MALRD1: variants seen among roughly 807,000 people sequenced by gnomAD.
MALRD1 encodes MAM and LDL receptor class A domain containing 1.
MALRD1 carries 247 observed loss-of-function variants against 242.1 expected under a neutral mutation model. That is an observed-to-expected ratio of 1.02 (90% CI 0.92 to 1.13). MALRD1 has a LOEUF of 1.13. Ranked by LOEUF, MALRD1 falls within the 50% of genes most tolerant of loss-of-function variation. The pLI is 0.00. For synonymous variants in MALRD1, 995 were observed against 866.6 expected, an observed-to-expected ratio of 1.15 and a Z score of -2.60; for missense variants, 2,989 against 2,533.1, an observed-to-expected ratio of 1.18 and a Z score of -3.86.
intron 26 of MALRD1, among the ~76,000 whole-genome samples, chr10:19,385,779 T>C (rs1399284724): frequency 1.3e-5 from 2 of 152,090 alleles, no homozygotes; most frequent in Non-Finnish European, 2.9e-5. Flanking sequence ...ACTTCGGCCT[T>C]AGTTCTTTTT....
At chr10:19,678,662 C>A (rs1379839241) in intron 36 of MALRD1, among the ~76,000 whole-genome samples, 1 of 152,096 alleles carries the variant, frequency 6.6e-6, no homozygotes, top group Non-Finnish European at 1.5e-5. Flanking sequence ...TCTGATTGCC[C>A]TGGCCAGAAC....
chr10:19,332,428 C>A (rs1843418119), intron 24 of MALRD1, among the ~76,000 whole-genome samples: 2 of 152,198 alleles, frequency 1.3e-5, no homozygotes, highest in South Asian at 4.2e-4. Flanking sequence ...ATAATGAACA[C>A]CATATATTAA....
At chr10:19,729,718 ATTCTTT>A (rs1835200747) in intron 38 of MALRD1, among the ~76,000 whole-genome samples, 1 of 98,976 alleles carries the variant, frequency 1.0e-5, no homozygotes, top group African/African-American at 4.1e-5. Context: ...AAGTCTATTA[ATTCTTT>A]TTTTTTTTTT....
chr10:19,665,653 A>G (rs575839659), intron 36 of MALRD1, among the ~76,000 whole-genome samples: 27 of 152,172 alleles, frequency 1.8e-4, no homozygotes, highest in South Asian at 2.1e-4. Context: ...CTGAAATTCT[A>G]CTAAAACGTG....
intron 18 of MALRD1, among the ~76,000 whole-genome samples, chr10:19,229,779 C>CTAT (rs1837969334): frequency 6.6e-6 from 1 of 152,050 alleles, no homozygotes; most frequent in South Asian, 2.1e-4. Flanking sequence ...GATGTAACCT[C>CTAT]TATATCTGCT....
At chr10:19,617,402 C>A (rs1374877290) in intron 36 of MALRD1, among the ~76,000 whole-genome samples, 1 of 151,938 alleles carries the variant, frequency 6.6e-6, no homozygotes, top group African/African-American at 2.4e-5. Context: ...GCAAATAATA[C>A]TTTACAAATA....
chr10:19,394,240 G>A (rs1403450870), intron 28 of MALRD1, among the ~76,000 whole-genome samples: 2 of 152,142 alleles, frequency 1.3e-5, no homozygotes, highest in Non-Finnish European at 2.9e-5. Flanking sequence ...TTTAGAGTTG[G>A]TGGGGTCTTA....
At chr10:19,227,154 A>ATT (rs796326723) in intron 18 of MALRD1, among the ~76,000 whole-genome samples, 1 of 147,654 alleles carries the variant, frequency 6.8e-6, no homozygotes, top group Admixed American at 6.8e-5. Flanking sequence ...GCTGATTCTA[A>ATT]TTTTTTTTTT....
chr10:19,282,275 T>C (rs1265362383), intron 20 of MALRD1, among the ~76,000 whole-genome samples: 1 of 152,206 alleles, frequency 6.6e-6, no homozygotes, highest in Admixed American at 6.5e-5. Flanking sequence ...TTTTAAATGT[T>C]TCCTTTTCAG....
At chr10:19,402,727 C>A (rs146309676) in intron 28 of MALRD1, among the ~76,000 whole-genome samples, 1 of 152,234 alleles carries the variant, frequency 6.6e-6, no homozygotes, top group East Asian at 1.9e-4. Context: ...CATGTGTCTT[C>A]CATGCTCTTA....
intron 36 of MALRD1, among the ~76,000 whole-genome samples, chr10:19,622,168 A>T (rs185272163): frequency 0.042 from 6,079 of 144,608 alleles, 372 homozygotes; most frequent in African/African-American, 0.14. Flanking sequence ...AGTCACCAAT[A>T]AGAAAAAAAA....
chr10:19,702,940 A>G (rs1035497176), intron 38 of MALRD1, among the ~76,000 whole-genome samples: 2 of 152,204 alleles, frequency 1.3e-5, no homozygotes, highest in African/African-American at 4.8e-5. Context: ...AAAACATGGA[A>G]TGGAGCATGG....
At chr10:19,135,122 A>G (rs1341746376) in intron 9 of MALRD1, among the ~76,000 whole-genome samples, 1 of 152,154 alleles carries the variant, frequency 6.6e-6, no homozygotes, top group Admixed American at 6.6e-5. Flanking sequence ...TCTGACCTTA[A>G]GTAATTATTA....
rs918148181 is a variant in MALRD1 at position 19,374,742 on chromosome 10, A to T, written c.4442-12786A>T. Among the ~76,000 whole-genome samples, 3 of 152,310 alleles carry T rather than the reference A, an allele frequency of 2.0e-5. No individual in the cohort carries two copies. In the South Asian group the frequency reaches 6.2e-4, roughly 32 times the overall value. ...ATGCACCTTCCAGGTAGCAAGGTGG[A>T]TGAAGAAATAAAGAAACTGGCCAAC... On this transcript the variant is annotated intron_variant, in intron 26 of 39. Coordinates refer to ENST00000454679, the MANE Select transcript of MALRD1 (RefSeq NM_001142308.3).
At chr10:19,407,078 G>T (rs4274131) in intron 28 of MALRD1, among the ~76,000 whole-genome samples, 132,078 of 152,074 alleles carry the variant, frequency 0.87, 57,713 homozygotes, top group African/African-American at 0.92. Context: ...TACTCCCCAC[G>T]CCCCAATTCT....
intron 4 of MALRD1, among the ~76,000 whole-genome samples, chr10:19,100,917 C>A (rs573313396): frequency 6.6e-6 from 1 of 151,988 alleles, no homozygotes; most frequent in Non-Finnish European, 1.5e-5. Flanking sequence ...CAGCTAGGGA[C>A]TATCTCTATG....
intron 31 of MALRD1, among the ~76,000 whole-genome samples, chr10:19,505,291 G>A (rs1838155037): frequency 6.6e-6 from 1 of 152,144 alleles, no homozygotes; most frequent in African/African-American, 2.4e-5. Flanking sequence ...GAATTCCTAG[G>A]TTGAAGTGCT....
intron 18 of MALRD1, among the ~76,000 whole-genome samples, chr10:19,249,036 C>T (rs1839187286): frequency 6.9e-6 from 1 of 145,514 alleles, no homozygotes; most frequent in African/African-American, 2.5e-5. Flanking sequence ...TAAATTAAAA[C>T]ATACACATAT....
chr10:19,115,230 A>ATTCACTCCTCTTCCTCTGCCTCC (rs2131363116), intron 5 of MALRD1, among the ~76,000 whole-genome samples: 1 of 152,082 alleles, frequency 6.6e-6, no homozygotes, highest in South Asian at 2.1e-4. Context: ...CTTACCCACA[A>ATTCACTCCTCTTCCTCTGCCTCC]TTCACTCCTC....
Sources: gnomAD v4.1 joint callset for allele counts (sites outside exome capture counted in the v4.1 genomes callset) on GRCh38, gnomAD v4.1.1 for gene constraint, MANE v1.5 for transcripts, NCBI Gene and HGNC (gene_info 2026-07-23, HGNC 2026-07-21) for gene names.